Variants in CDYL observed in about 807,000 individuals in gnomAD.
CDYL encodes chromodomain Y like.
Under a neutral mutation model 47.3 loss-of-function variants are expected in CDYL, and 8 were observed. The ratio of observed to expected loss-of-function variants is 0.17; its 90% confidence interval spans 0.10 to 0.31. CDYL has a LOEUF of 0.31. CDYL is among the 10% of genes least tolerant of loss of function. The pLI, the probability that CDYL is intolerant of heterozygous loss-of-function variation, is 1.00. For missense variants in CDYL, 471 were observed against 701.4 expected (o/e 0.67, Z 3.71); for synonymous variants, 266 against 265.0 (o/e 1.00, Z -0.04).
intron 5 of CDYL, among the ~76,000 whole-genome samples, chr6:4,951,324 T>C (rs1468616255): frequency 3.3e-5 from 5 of 152,016 alleles, no homozygotes; most frequent in African/African-American, 1.2e-4. Flanking sequence ...CTCAGGCCAG[T>C]GTGGAGTTTC....
chr6:4,879,959 C>T (rs1188770595), intron 1 of CDYL, among the ~76,000 whole-genome samples: 1 of 152,146 alleles, frequency 6.6e-6, no homozygotes, highest in African/African-American at 2.4e-5. Context: ...TCGCACGCCC[C>T]TACACACATA....
intron 1 of CDYL, among the ~76,000 whole-genome samples, chr6:4,835,539 G>A (rs1760275129): frequency 6.6e-6 from 1 of 152,244 alleles, no homozygotes; most frequent in Non-Finnish European, 1.5e-5. Context: ...ACCCACTTGA[G>A]GAGGCAGTCT....
intron 1 of CDYL, among the ~76,000 whole-genome samples, chr6:4,808,808 T>A (rs1308541527): frequency 2.0e-5 from 3 of 152,268 alleles, no homozygotes; most frequent in Admixed American, 1.3e-4. Context: ...TTTCCAAGAT[T>A]GCTTTTTCTT....
intron 5 of CDYL, 75 bp downstream of exon 5, chr6:4,943,831 T>A: frequency 8.5e-7 from 1 of 1,172,146 alleles, no homozygotes; most frequent in Non-Finnish European, 1.2e-6. Context: ...TTGGTTATTG[T>A]TTTTCTAAAG....
chr6:4,865,934 C>G (rs901645975), intron 1 of CDYL, among the ~76,000 whole-genome samples: 28 of 152,236 alleles, frequency 1.8e-4, no homozygotes, highest in African/African-American at 6.7e-4. Flanking sequence ...TTTAAGTGGA[C>G]ATAAAGAACC....
intron 2 of CDYL, chr6:4,718,509 C>G (rs1757311642): frequency 6.6e-6 from 1 of 152,188 alleles, no homozygotes; most frequent in African/African-American, 2.4e-5. Context: ...AACTTCTGAT[C>G]TCAAGTGATT....
chr6:4,827,839 G>T (rs115851755), intron 1 of CDYL, among the ~76,000 whole-genome samples: 6,965 of 152,164 alleles, frequency 0.046, 227 homozygotes, highest in Non-Finnish European at 0.074. Flanking sequence ...ATTTTAAGTA[G>T]AGACGGGGTT....
chr6:4,811,287 T>C lies in CDYL; in HGVS notation c.24+34480T>C, dbSNP rs145494870. Among the ~76,000 whole-genome samples the C allele has an allele frequency of 4.1e-3, 622 of 152,352 alleles. 1 individual carries two copies. The highest frequency in any genetic ancestry group is 0.014 in the African/African-American group (581 of 41,592). On this transcript the variant is annotated intron_variant, in intron 1 of 6. Coordinates refer to ENST00000397588, the MANE Select transcript of CDYL (RefSeq NM_004824.4). ...TAATACTAAAGATAGAACTAGCAGT[T>C]GTTTATTTTTAATAAGCTCTCTAGA...
rs188026315 is a variant in CDYL, at chr6:4,908,652, A to G, written c.691+16273A>G. Among the ~76,000 whole-genome samples the G allele has an allele frequency of 3.3e-5, 5 of 152,238 alleles. No individual in the cohort carries two copies. The East Asian group carries it at 7.7e-4, about 23-fold the overall frequency. ...AATAGTACTTACAAGATCATACGTC[A>G]CCTCTGAGCTTACGTCTCTCTTTCC... On this transcript the variant is annotated intron_variant, in intron 2 of 6. Coordinates refer to ENST00000397588, the MANE Select transcript of CDYL (RefSeq NM_004824.4).
intron 2 of CDYL, among the ~76,000 whole-genome samples, chr6:4,919,656 T>C (rs534472593): frequency 2.6e-5 from 4 of 152,330 alleles, no homozygotes; most frequent in African/African-American, 9.6e-5. Context: ...TTTACCTCCT[T>C]GTATCCCTGT....
At chr6:4,900,002 A>T (rs1165003696) in intron 2 of CDYL, among the ~76,000 whole-genome samples, 2 of 152,196 alleles carry the variant, frequency 1.3e-5, no homozygotes, top group Non-Finnish European at 2.9e-5. Flanking sequence ...AGAAATGTTA[A>T]CACACATCCT....
At chr6:4,900,795 A>G (rs932146932) in intron 2 of CDYL, among the ~76,000 whole-genome samples, 9,467 of 59,596 alleles carry the variant, frequency 0.16, 2,225 homozygotes, top group Non-Finnish European at 0.19. Flanking sequence ...ATATATATAT[A>G]TATATATATA....
rs1420296728 is a variant in CDYL, at chr6:4,894,994, CTTGT to C, written c.691+2616_691+2619del. Among the ~76,000 whole-genome samples, 256 of 149,360 alleles carry C rather than the reference CTTGT, an allele frequency of 1.7e-3. 1 individual carries two copies. The highest frequency in any genetic ancestry group is 5.8e-3 in the African/African-American group (231 of 40,060). ...GTATATGTGTATGCATATGTGTATA[CTTGT>C]GTGTATGTTTATACATATATGTATG... is the stretch of plus-strand genomic sequence containing the variant. On this transcript the variant is annotated intron_variant, in intron 2 of 6. Coordinates refer to ENST00000397588, the MANE Select transcript of CDYL (RefSeq NM_004824.4).
At chr6:4,716,213 T>C (rs9504218) in intron 2 of CDYL, among the ~76,000 whole-genome samples, 39,670 of 150,140 alleles carry the variant, frequency 0.26, 5,727 homozygotes, top group African/African-American at 0.37. Context: ...CGCGCCACTG[T>C]ACTCCAGCCT....
chr6:4,848,190 G>A (rs917025027), intron 1 of CDYL, among the ~76,000 whole-genome samples: 2 of 152,110 alleles, frequency 1.3e-5, no homozygotes, highest in Non-Finnish European at 2.9e-5. Context: ...TTTTTGGGAG[G>A]GGGGTGCTTT....
intron 2 of CDYL, among the ~76,000 whole-genome samples, chr6:4,730,176 G>A (rs766124949): frequency 1.6e-4 from 25 of 152,056 alleles, no homozygotes; most frequent in Non-Finnish European, 2.5e-4. Flanking sequence ...AGCAACCATG[G>A]AGACTTAATT....
At chr6:4,941,447 G>A (rs1256799935) in intron 4 of CDYL, among the ~76,000 whole-genome samples, 6 of 152,134 alleles carry the variant, frequency 3.9e-5, no homozygotes, top group Non-Finnish European at 7.4e-5. Flanking sequence ...TCCATTTCTG[G>A]CATCTCAGGG....
At chr6:4,769,929 G>C (rs536330655) in intron 3 of CDYL, among the ~76,000 whole-genome samples, 1 of 151,752 alleles carries the variant, frequency 6.6e-6, no homozygotes, top group African/African-American at 2.4e-5. Flanking sequence ...CCCAAGTAGC[G>C]GGGACTACAG....
chr6:4,846,272 G>A (rs946986964), intron 1 of CDYL, among the ~76,000 whole-genome samples: 7 of 151,980 alleles, frequency 4.6e-5, no homozygotes, highest in African/African-American at 1.7e-4. Context: ...ACCCCACAGG[G>A]TGCACGGCAA....
Sources: allele counts gnomAD v4.1 joint callset (sites outside exome capture counted in the v4.1 genomes callset), GRCh38; gene constraint gnomAD v4.1.1; transcripts MANE v1.5; gene names NCBI Gene and HGNC (gene_info 2026-07-23, HGNC 2026-07-21).